ATP8B4: variants seen among roughly 807,000 people sequenced by gnomAD.
ATP8B4 encodes the protein ATPase phospholipid transporting 8B4 (putative).
Under a neutral mutation model 145.6 loss-of-function variants are expected in ATP8B4, and 133 were observed. The observed-to-expected ratio is 0.91, with a 90% confidence interval of 0.79 to 1.05. ATP8B4 has a LOEUF of 1.05. Among genes scored for constraint, ATP8B4 ranks in the 50% least tolerant of loss-of-function variants. ATP8B4 has a pLI of 0.00. For missense variants in ATP8B4, 1,458 were observed against 1,425.2 expected (o/e 1.02, Z -0.37); for synonymous variants, 507 against 492.9 (o/e 1.03, Z -0.38).
intron 17 of ATP8B4, chr15:49,922,117 A>T (rs575774495): frequency 9.3e-5 from 16 of 171,224 alleles, no homozygotes; most frequent in African/African-American, 3.6e-4. Flanking sequence ...TTTTCCTATC[A>T]TTAAACAATT....
intron 3 of ATP8B4, among the ~76,000 whole-genome samples, chr15:50,054,316 C>T (rs1316418627): frequency 6.6e-6 from 1 of 152,176 alleles, no homozygotes; most frequent in African/African-American, 2.4e-5. Context: ...GTCTCACTCT[C>T]AAATGTAATG....
intron 3 of ATP8B4, among the ~76,000 whole-genome samples, chr15:50,067,514 A>G (rs1289614912): frequency 1.3e-5 from 2 of 152,100 alleles, no homozygotes; most frequent in African/African-American, 4.8e-5. Flanking sequence ...AACTTCCTCA[A>G]ACACTTTCGT....
chr15:50,024,440 C>T (rs756836658), intron 6 of ATP8B4, among the ~76,000 whole-genome samples: 16 of 152,328 alleles, frequency 1.1e-4, no homozygotes, highest in Middle Eastern at 3.4e-3. Flanking sequence ...CATGTGATTT[C>T]TCAGGCAGCC....
At chr15:50,138,769 T>C (rs2044166341) in intron 1 of ATP8B4, among the ~76,000 whole-genome samples, 1 of 152,240 alleles carries the variant, frequency 6.6e-6, no homozygotes, top group Non-Finnish European at 1.5e-5. Context: ...TCTCCCTTTA[T>C]TGTTCTCTTA....
intron 7 of ATP8B4, among the ~76,000 whole-genome samples, chr15:50,006,192 A>G (rs1444115178): frequency 1.3e-5 from 2 of 152,060 alleles, no homozygotes; most frequent in African/African-American, 4.8e-5. Flanking sequence ...TTTGAGAAGA[A>G]TAAGAAAAAG....
chr15:50,068,438 A>T (rs1015789527), intron 3 of ATP8B4, among the ~76,000 whole-genome samples: 1 of 152,200 alleles, frequency 6.6e-6, no homozygotes, highest in Non-Finnish European at 1.5e-5. Flanking sequence ...GCATTTGCAG[A>T]TTCTAGGAAT....
intron 6 of ATP8B4, among the ~76,000 whole-genome samples, chr15:50,028,128 CAG>C (rs759370200): frequency 3.9e-5 from 6 of 152,186 alleles, no homozygotes; most frequent in Non-Finnish European, 4.4e-5. Context: ...ATGTCACTGC[CAG>C]AGTCTTCTTT....
At position 49,862,394 on chromosome 15, in the gene ATP8B4, A is replaced by AATAT; in HGVS notation, c.3167-23_3167-20dup. 6.2e-7 allele frequency: 1 copy of AATAT among 1,611,382 alleles called. No homozygotes were observed. Among genetic ancestry groups the AATAT allele is most frequent in the East Asian group, 2.2e-5 (1 of 44,752 alleles). The stretch of plus-strand genomic sequence containing the variant: ...GCATTACCTATCAATCATTAAAGAA[A>AATAT]ATATACACTGTGGTTACAAGTAGGA... On this transcript the variant is annotated intron_variant, in intron 26 of 27. Coordinates refer to ENST00000284509, the MANE Select transcript of ATP8B4 (RefSeq NM_024837.4).
intron 21 of ATP8B4, among the ~76,000 whole-genome samples, chr15:49,900,352 T>A (rs1329829468): frequency 6.6e-6 from 1 of 152,212 alleles, no homozygotes; most frequent in Non-Finnish European, 1.5e-5. Flanking sequence ...TACAAGAAGA[T>A]ACATTTATTG....
At chr15:50,087,940 G>GAAGATT (rs1419136943) in intron 2 of ATP8B4, among the ~76,000 whole-genome samples, 1 of 152,116 alleles carries the variant, frequency 6.6e-6, no homozygotes, top group East Asian at 1.9e-4. Flanking sequence ...TCAGCAAAAT[G>GAAGATT]AAGACACTGT....
chr15:50,170,636 C>T (rs2044657839), intron 1 of ATP8B4, among the ~76,000 whole-genome samples: 1 of 114,606 alleles, frequency 8.7e-6, no homozygotes, highest in African/African-American at 2.6e-5. Flanking sequence ...AAAGCAAAAA[C>T]AAAACAAAAC....
At chr15:49,979,301 C>A (rs1012418097) in intron 12 of ATP8B4, among the ~76,000 whole-genome samples, 2 of 152,070 alleles carry the variant, frequency 1.3e-5, no homozygotes, top group African/African-American at 2.4e-5. Context: ...AATGTTCTTC[C>A]TTTTCTTACT....
intron 15 of ATP8B4, 68 bp downstream of exon 15, chr15:49,933,949 T>G (rs886184725): frequency 1.4e-6 from 2 of 1,425,134 alleles, no homozygotes; most frequent in African/African-American, 1.5e-5. Context: ...ATCCTTCAAA[T>G]TTAGTGTCAG....
At chr15:49,983,406 C>T (rs2046323332) in intron 10 of ATP8B4, among the ~76,000 whole-genome samples, 1 of 152,140 alleles carries the variant, frequency 6.6e-6, no homozygotes, top group African/African-American at 2.4e-5. Flanking sequence ...TTATCATCCT[C>T]ACCTTCAAGC....
intron 23 of ATP8B4, 53 bp downstream of exon 23, chr15:49,897,239 A>C (rs774131105): frequency 6.0e-6 from 9 of 1,496,644 alleles, no homozygotes; most frequent in Admixed American, 1.8e-5. Flanking sequence ...CATTTGTAAT[A>C]TCATACAAAA....
intron 14 of ATP8B4, among the ~76,000 whole-genome samples, chr15:49,948,331 C>T (rs1027289855): frequency 2.0e-5 from 3 of 151,178 alleles, no homozygotes. Context: ...CGCCTGTAGT[C>T]CCAGCTACTT....
At chr15:49,948,668 G>A (rs1465195251) in intron 14 of ATP8B4, among the ~76,000 whole-genome samples, 1 of 152,118 alleles carries the variant, frequency 6.6e-6, no homozygotes, top group East Asian at 1.9e-4. Context: ...TTGCAAATAT[G>A]TTTACGTTCC....
At chr15:49,868,692 GGTAA>G (rs1160930548) in intron 25 of ATP8B4, among the ~76,000 whole-genome samples, 1 of 151,984 alleles carries the variant, frequency 6.6e-6, no homozygotes, top group Non-Finnish European at 1.5e-5. Flanking sequence ...GACAAAGAAG[GGTAA>G]GTAAGATAAA....
At chr15:49,989,382 T>C (rs2046877172) in intron 9 of ATP8B4, among the ~76,000 whole-genome samples, 1 of 151,882 alleles carries the variant, frequency 6.6e-6, no homozygotes, top group Non-Finnish European at 1.5e-5. Context: ...TCCAGATTCT[T>C]GACCCAAGAC....
Sources: allele counts gnomAD v4.1 joint callset (sites outside exome capture counted in the v4.1 genomes callset), GRCh38; gene constraint gnomAD v4.1.1; transcripts MANE v1.5; gene names NCBI Gene and HGNC (gene_info 2026-07-23, HGNC 2026-07-21).